INPP4B: variants seen among roughly 807,000 people sequenced by gnomAD.
INPP4B encodes the protein inositol polyphosphate 4-phosphatase type II.
In INPP4B, 55 loss-of-function variants were observed where a neutral mutation model predicts 122.5. The ratio of observed to expected loss-of-function variants is 0.45; its 90% confidence interval spans 0.36 to 0.56. The LOEUF (loss-of-function observed/expected upper bound fraction) is 0.56, where lower values mean the gene tolerates loss of function less well. Among genes scored for constraint, INPP4B ranks in the 20% least tolerant of loss-of-function variants. The pLI is 0.00. For synonymous variants in INPP4B, 403 were observed against 388.7 expected (o/e 1.04, Z -0.43); for missense variants, 1,000 against 1,097.7 (o/e 0.91, Z 1.26).
At chr4:142,155,656 A>G (rs899120947) in intron 17 of INPP4B, among the ~76,000 whole-genome samples, 57 of 152,244 alleles carry the variant, frequency 3.7e-4, no homozygotes, top group African/African-American at 1.3e-3. Flanking sequence ...CAGAAATTCA[A>G]AAAATTGCAG....
At chr4:142,168,526 G>T (rs768384559) in intron 16 of INPP4B, among the ~76,000 whole-genome samples, 2 of 151,516 alleles carry the variant, frequency 1.3e-5, no homozygotes, top group Middle Eastern at 3.2e-3. Context: ...TAGACTAAGA[G>T]CAGCCTCTAA....
chr4:142,493,008 AT>A (rs1822076052), intron 2 of INPP4B, among the ~76,000 whole-genome samples: 1 of 152,180 alleles, frequency 6.6e-6, no homozygotes, highest in African/African-American at 2.4e-5. Context: ...GGTGCCCTAT[AT>A]CCCAGCTGCT....
In INPP4B at chr4:142,370,393, A is replaced by C. The variant is rs192697625; in HGVS notation, c.372+32545T>G. 1.1e-3 allele frequency among the ~76,000 whole-genome samples: 173 copies of C among 152,286 alleles called. 1 individual carries two copies. The highest frequency in any genetic ancestry group is 1.5e-3 in the Non-Finnish European group (105 of 68,024). On this transcript the variant is annotated intron_variant, in intron 7 of 25. Coordinates refer to ENST00000262992, the MANE Select transcript of INPP4B (RefSeq NM_001101669.3). ...ATAAATCATTTTGATAAAAGTACTT[A>C]AGACTTTAGATTCCTCAAAATTTAT...
intron 2 of INPP4B, among the ~76,000 whole-genome samples, chr4:142,542,110 T>C (rs1560777699): frequency 6.6e-6 from 1 of 152,190 alleles, no homozygotes; most frequent in South Asian, 2.1e-4. Flanking sequence ...TGTCATCCCA[T>C]GACCATGGCT....
chr4:142,479,599 G>A (rs1054971238), intron 2 of INPP4B, among the ~76,000 whole-genome samples: 1 of 151,928 alleles, frequency 6.6e-6, no homozygotes, highest in Non-Finnish European at 1.5e-5. Context: ...AGAAAATATG[G>A]TACATATATA....
intron 2 of INPP4B, among the ~76,000 whole-genome samples, chr4:142,635,025 C>G (rs1262269704): frequency 1.3e-5 from 2 of 151,914 alleles, no homozygotes; most frequent in East Asian, 3.9e-4. Context: ...AGAAAAACAA[C>G]CCCATTCAAA....
At chr4:142,816,524 C>A (rs1780136201) in intron 1 of INPP4B, among the ~76,000 whole-genome samples, 1 of 151,942 alleles carries the variant, frequency 6.6e-6, no homozygotes, top group African/African-American at 2.4e-5. Flanking sequence ...CCAGTCATTT[C>A]TCTAGGGCAA....
At chr4:142,806,786 G>GGAAGAAA (rs1387882828) in intron 1 of INPP4B, among the ~76,000 whole-genome samples, 1 of 75,948 alleles carries the variant, frequency 1.3e-5, no homozygotes, top group East Asian at 3.6e-4. Flanking sequence ...AAAGAAAGAA[G>GGAAGAAA]GAAAGAAAGA....
At chr4:142,097,225 T>TTTTA (rs70949153) in intron 23 of INPP4B, among the ~76,000 whole-genome samples, 26,667 of 135,342 alleles carry the variant, frequency 0.2, 2,742 homozygotes, top group South Asian at 0.25. Flanking sequence ...TTTTATGTTA[T>TTTTA]TTTTATTTTA....
intron 16 of INPP4B, among the ~76,000 whole-genome samples, chr4:142,168,186 G>A (rs1823801280): frequency 6.6e-6 from 1 of 151,388 alleles, no homozygotes; most frequent in African/African-American, 2.4e-5. Context: ...TTTATTCTGT[G>A]TGGAGTATAT....
intron 2 of INPP4B, among the ~76,000 whole-genome samples, chr4:142,680,780 C>A (rs762971912): frequency 1.3e-5 from 2 of 151,838 alleles, no homozygotes; most frequent in African/African-American, 4.8e-5. Context: ...CCAAGCATCT[C>A]ATTTTGGCTT....
At position 142,794,046 on chromosome 4, in the gene INPP4B, T is replaced by C. The variant is rs150083175; in HGVS notation, c.-254+52163A>G. On this transcript the variant is annotated intron_variant, in intron 1 of 25. Transcript: ENST00000262992. ...ATCAATGGGTTATTTTTGGTGATAG[T>C]GTTGGTATCTATCTACCTAAATATT... is the stretch of plus-strand genomic sequence containing the variant. Among the ~76,000 whole-genome samples the C allele has an allele frequency of 2.9e-3, 441 of 152,148 alleles. 2 individuals carry two copies. Among genetic ancestry groups the C allele is most frequent in the African/African-American group, 0.01 (433 of 41,546 alleles).
chr4:142,042,393 A>T (rs1285490943), intron 25 of INPP4B, among the ~76,000 whole-genome samples: 1 of 152,086 alleles, frequency 6.6e-6, no homozygotes, highest in Non-Finnish European at 1.5e-5. Flanking sequence ...CATCACCAAG[A>T]GATTGAAGCT....
intron 3 of INPP4B, among the ~76,000 whole-genome samples, chr4:142,443,331 T>G (rs911985103): frequency 4.6e-5 from 7 of 152,228 alleles, no homozygotes; most frequent in Admixed American, 3.3e-4. Flanking sequence ...TTGAGGTACA[T>G]GCCTGCTGAA....
intron 2 of INPP4B, among the ~76,000 whole-genome samples, chr4:142,609,855 G>A (rs1742095910): frequency 1.3e-5 from 2 of 152,144 alleles, no homozygotes; most frequent in South Asian, 2.1e-4. Flanking sequence ...GGCACCAGCT[G>A]AAACAGAATG....
At chr4:142,768,971 C>A (rs1397395794) in intron 1 of INPP4B, among the ~76,000 whole-genome samples, 1 of 152,120 alleles carries the variant, frequency 6.6e-6, no homozygotes, top group African/African-American at 2.4e-5. Context: ...CAGAAAGGAT[C>A]AGATGGTATT....
intron 7 of INPP4B, among the ~76,000 whole-genome samples, chr4:142,387,146 G>A (rs1457689075): frequency 6.6e-6 from 1 of 151,914 alleles, no homozygotes; most frequent in Admixed American, 6.6e-5. Context: ...CATCCCACTG[G>A]GTCAGAAAGA....
intron 12 of INPP4B, among the ~76,000 whole-genome samples, chr4:142,216,081 C>T (rs1338495463): frequency 6.6e-6 from 1 of 152,062 alleles, no homozygotes; most frequent in Admixed American, 6.6e-5. Flanking sequence ...TAAACATTCT[C>T]ATTTTACTCA....
At chr4:142,663,721 A>G (rs1468119438) in intron 2 of INPP4B, among the ~76,000 whole-genome samples, 1 of 152,132 alleles carries the variant, frequency 6.6e-6, no homozygotes, top group Non-Finnish European at 1.5e-5. Flanking sequence ...TATAAGCTGA[A>G]AGACCATTTT....
Sources: gnomAD v4.1 joint callset for allele counts (sites outside exome capture counted in the v4.1 genomes callset) on GRCh38, gnomAD v4.1.1 for gene constraint, MANE v1.5 for transcripts, NCBI Gene and HGNC (gene_info 2026-07-23, HGNC 2026-07-21) for gene names.